Variants in IGDCC4 observed in about 807,000 individuals in gnomAD.
The protein encoded by IGDCC4 is immunoglobulin superfamily DCC subclass member 4.
IGDCC4 carries 72 observed loss-of-function variants against 116.6 expected under a neutral mutation model. The ratio of observed to expected loss-of-function variants is 0.62; its 90% CI spans 0.51 to 0.75. The LOEUF (loss-of-function observed/expected upper bound fraction) is 0.75, where lower values mean the gene tolerates loss of function less well. Among genes scored for constraint, IGDCC4 ranks in the 30% least tolerant of loss-of-function variants. IGDCC4 has a pLI of 0.00. For missense variants in IGDCC4, 1,501 were observed against 1,662.4 expected, an observed-to-expected ratio of 0.90 and a Z score of 1.69; for synonymous variants, 709 against 719.9, an observed-to-expected ratio of 0.98 and a Z score of 0.24.
chr15:65,392,084 T>TC (rs3216754), intron 11 of IGDCC4, 50 bp downstream of exon 11: 296,647 of 1,500,842 alleles, frequency 0.2, 32,080 homozygotes, highest in Admixed American at 0.32. Context: ...ACTTGCCCAG[T>TC]CCCCACTGAA....
intron 6 of IGDCC4, 88 bp from the exon 7 acceptor site, chr15:65,396,251 G>A: frequency 3.0e-6 from 3 of 1,013,756 alleles, no homozygotes; most frequent in Non-Finnish European, 3.7e-6. Flanking sequence ...GCCCCCCACC[G>A]CCCTCCCTCG....
At chr15:65,416,540 TG>T (rs2063146398) in intron 1 of IGDCC4, among the ~76,000 whole-genome samples, 1 of 152,200 alleles carries the variant, frequency 6.6e-6, no homozygotes, top group African/African-American at 2.4e-5. Context: ...AGCGATGCTC[TG>T]GGGAGGGGAC....
chr15:65,384,966 GTA>G lies in IGDCC4; in HGVS notation c.3328_3329del (p.Tyr1110ArgfsTer22). 1 of 1,609,666 alleles carries G rather than the reference GTA, an allele frequency of 6.2e-7. No individual in the cohort carries two copies. Among genetic ancestry groups the G allele is most frequent in the East Asian group, 2.2e-5 (1 of 44,492 alleles). ...CCAGGACGCTGACCTTTATGGCGTCGTACACCAGAGCCTGCAGCAACAGCGTC... is the reference window on the plus strand; with the variant it reads ...CCAGGACGCTGACCTTTATGGCGTCGCACCAGAGCCTGCAGCAACAGCGTC... ...GQTLLLQALV[Y>X]DAIKGNGRKK... On this transcript the variant is annotated frameshift_variant, in exon 19 of 20. Coordinates refer to ENST00000352385, the MANE Select transcript of IGDCC4 (RefSeq NM_020962.3). LOFTEE classifies it low-confidence loss of function (END_TRUNC). The surrounding 1 kb of genome is among the most constrained non-coding windows in gnomAD (Gnocchi z 4.9).
At chr15:65,411,413 C>A in intron 1 of IGDCC4, 43 bp from the exon 2 acceptor site, 1 of 1,459,280 alleles carries the variant, frequency 6.9e-7, no homozygotes, top group Non-Finnish European at 9.2e-7. Flanking sequence ...TATGTCCCCC[C>A]ACCTCCCACA....
At chr15:65,396,361 C>A (rs779513020) in intron 6 of IGDCC4, 198 bp from the exon 7 acceptor site, 2 of 711,020 alleles carry the variant, frequency 2.8e-6, no homozygotes, top group South Asian at 3.0e-5. Flanking sequence ...TACCCCAGCC[C>A]CACAACGACC....
chr15:65,384,211 A>G lies in IGDCC4; in HGVS notation c.3551T>C (p.Leu1184Ser), dbSNP rs957023926. ...GGGGGCTGCCAGCTCACACCCTCCCAACTCCCTGTCCAGCCAGGCTGCCCC... is the reference window on the plus strand; with the variant it reads ...GGGGGCTGCCAGCTCACACCCTCCCGACTCCCTGTCCAGCCAGGCTGCCCC... ...GQGAAWLDRE[L>S]GGCELAAPGP... The change falls in exon 20 of 20, where the codon TTG becomes TCG. Residue 1184 changes from leucine (L) to serine (S), a missense_variant. Physicochemically the swap from Leu to Ser is moderately radical, Grantham distance 145 (BLOSUM62 -2). Transcript: ENST00000352385. This position sits in a 1 kb window ranked among gnomAD's most constrained non-coding sequence, Gnocchi z 4.9. 8 of 1,606,202 alleles carry G rather than the reference A, an allele frequency of 5.0e-6. No homozygotes were observed. Among genetic ancestry groups the G allele is most frequent in the Non-Finnish European group, 6.8e-6 (8 of 1,174,450 alleles).
Position 65,422,943 on chromosome 15 carries a change from T to G in IGDCC4, c.-81A>C. On this transcript the variant is annotated 5_prime_UTR_variant, in exon 1 of 20. Transcript: ENST00000352385. Reference sequence around the variant, plus strand: ...CCGCGGGGGGAGAGCGCGCCGGGCGTCAGTGGCCCGGGGAGGCGCGGCGCC... The same window carrying G: ...CCGCGGGGGGAGAGCGCGCCGGGCGGCAGTGGCCCGGGGAGGCGCGGCGCC... 1 of 908,088 alleles carries G rather than the reference T, an allele frequency of 1.1e-6. No homozygotes were observed. Among genetic ancestry groups the G allele is most frequent in the South Asian group, 5.0e-5 (1 of 19,900 alleles). The allele number at this position is 908,088 out of a possible 1,614,324, so 56.3% of individuals were successfully genotyped here.
At position 65,422,941 on chromosome 15, in the gene IGDCC4, C is replaced by T. The variant is rs1197290146; in HGVS notation, c.-79G>A. The stretch of plus-strand genomic sequence containing the variant: ...CGCCGCGGGGGGAGAGCGCGCCGGG[C>T]GTCAGTGGCCCGGGGAGGCGCGGCG... On this transcript the variant is annotated 5_prime_UTR_variant, in exon 1 of 20. Coordinates refer to ENST00000352385, the MANE Select transcript of IGDCC4 (RefSeq NM_020962.3). The T allele has an allele frequency of 1.1e-6, 1 of 916,964 alleles. No homozygotes were observed. Among genetic ancestry groups the T allele is most frequent in the Non-Finnish European group, 1.3e-6 (1 of 770,616 alleles). 56.8% of individuals were successfully genotyped at this position (916,964 alleles called of 1,614,324 possible).
chr15:65,389,369 G>C lies in IGDCC4; in HGVS notation c.2451C>G (p.Thr817=). The change falls in exon 14 of 20, where the codon ACC becomes ACG. Residue 817 remains threonine (T), a synonymous_variant. Coordinates refer to ENST00000352385, the MANE Select transcript of IGDCC4 (RefSeq NM_020962.3). ...DILIGGLKPF[T]KYEFAVQSHG... ...GAGACTGCACTGCAAACTCGTATTT[G>C]GTGAATGGCTTCAAGCCGCCAATGA... The C allele has an allele frequency of 6.2e-7, 1 of 1,614,178 alleles. No individual in the cohort carries two copies. The highest frequency in any genetic ancestry group is 1.1e-5 in the South Asian group (1 of 91,086).
At chr15:65,408,852 T>TG (rs2063063332) in intron 3 of IGDCC4, among the ~76,000 whole-genome samples, 1 of 150,440 alleles carries the variant, frequency 6.6e-6, no homozygotes, top group African/African-American at 2.4e-5. Context: ...TTTTTTTTTT[T>TG]TTTTTGAGAC....
At chr15:65,404,934 TC>T (rs972159643) in intron 3 of IGDCC4, among the ~76,000 whole-genome samples, 65 of 152,242 alleles carry the variant, frequency 4.3e-4, no homozygotes, top group African/African-American at 1.5e-3. Context: ...CATCTGTAGT[TC>T]CAGCTATTCA....
chr15:65,410,121 A>T (rs547448042), intron 3 of IGDCC4, 57 bp downstream of exon 3: 2 of 1,596,108 alleles, frequency 1.3e-6, no homozygotes, highest in Non-Finnish European at 1.7e-6. Flanking sequence ...TTCTGAGCAC[A>T]CCCCAGAGCC....
At chr15:65,417,097 G>A (rs1184682681) in intron 1 of IGDCC4, among the ~76,000 whole-genome samples, 3 of 152,138 alleles carry the variant, frequency 2.0e-5, no homozygotes, top group Non-Finnish European at 4.4e-5. Context: ...CTGAATTTCA[G>A]GGCCCAACAG....
intron 6 of IGDCC4, 62 bp from the exon 7 acceptor site, chr15:65,396,225 C>T (rs1282569780): frequency 2.2e-6 from 3 of 1,383,502 alleles, no homozygotes; most frequent in South Asian, 1.4e-5. Flanking sequence ...TGCCCCCCCC[C>T]CAGTACCCCA....
intron 4 of IGDCC4, 76 bp downstream of exon 4, chr15:65,402,275 C>G (rs12439363): frequency 0.3 from 457,374 of 1,500,494 alleles, 73,600 homozygotes; most frequent in Admixed American, 0.39. Context: ...GGCCTGGACC[C>G]CTTGAGGTCC....
At chr15:65,406,351 A>G (rs563080926) in intron 3 of IGDCC4, among the ~76,000 whole-genome samples, 1 of 152,238 alleles carries the variant, frequency 6.6e-6, no homozygotes, top group African/African-American at 2.4e-5. Flanking sequence ...TATGGTCACA[A>G]TTATGAAGGT....
intron 1 of IGDCC4, among the ~76,000 whole-genome samples, chr15:65,420,984 A>G (rs1232659848): frequency 6.6e-6 from 1 of 152,206 alleles, no homozygotes; most frequent in Non-Finnish European, 1.5e-5. Flanking sequence ...AAGCTAGCCT[A>G]TAAAAGGTGC....
intron 5 of IGDCC4, among the ~76,000 whole-genome samples, chr15:65,398,060 A>G (rs1371264650): frequency 6.6e-6 from 1 of 152,258 alleles, no homozygotes; most frequent in African/African-American, 2.4e-5. Context: ...ACTTGGAACT[A>G]TAAATGCGGC....
At chr15:65,402,680 C>T (rs1161694366) in intron 3 of IGDCC4, among the ~76,000 whole-genome samples, 193 bp from the exon 4 acceptor site, 1 of 152,170 alleles carries the variant, frequency 6.6e-6, no homozygotes, top group Non-Finnish European at 1.5e-5. Context: ...CCAGCCTGAC[C>T]AACATGGAGA....
Sources: gnomAD v4.1 joint callset for allele counts (sites outside exome capture counted in the v4.1 genomes callset) on GRCh38, gnomAD v4.1.1 for gene constraint, Gnocchi (gnomAD v3.1) non-coding constraint, MANE v1.5 for transcripts, NCBI Gene and HGNC (gene_info 2026-07-23, HGNC 2026-07-21) for gene names.